The following CLUH variants were observed in gnomAD, a reference collection of about 807,000 sequenced individuals.
The protein encoded by CLUH is clustered mitochondria protein homolog.
Under a neutral mutation model 139.3 loss-of-function variants are expected in CLUH, and 77 were observed. The ratio of observed to expected loss-of-function variants is 0.55; its 90% confidence interval spans 0.46 to 0.67. The LOEUF (loss-of-function observed/expected upper bound fraction) is 0.67. Among genes scored for constraint, CLUH ranks in the 30% least tolerant of loss-of-function variants. The pLI, the probability that CLUH is intolerant of heterozygous loss-of-function variation, is 0.00. For synonymous variants in CLUH, 999 were observed against 801.6 expected, an observed-to-expected ratio of 1.25 and a Z score of -4.16; for missense variants, 1,876 against 1,875.8, an observed-to-expected ratio of 1.00 and a Z score of 0.00.
intron 13 of CLUH, 124 bp from the exon 14 acceptor site, chr17:2,695,650 G>T: frequency 7.9e-7 from 1 of 1,263,518 alleles, no homozygotes; most frequent in Non-Finnish European, 1.1e-6. Context: ...CCAGCTCCCA[G>T]TCAGGATGTC....
chr17:2,693,955 C>T lies in CLUH; in HGVS notation c.3176G>A (p.Cys1059Tyr). 6.2e-7 allele frequency: 1 copy of T among 1,613,796 alleles called. No individual in the cohort carries two copies. Among genetic ancestry groups the T allele is most frequent in the Admixed American group, 1.7e-5 (1 of 60,012 alleles). Reference protein sequence around the residue: ...NVYGAMHVETCACLRLLARLH... With the variant: ...NVYGAMHVETYACLRLLARLH... ...GCGGGCGAGGAGGCGCAGGCAGGCG[C>T]AGGTCTCCACGTGCATGGCTCCGTA... is the stretch of plus-strand genomic sequence containing the variant. The change falls in exon 19 of 26, where the codon TGC (cysteine) becomes TAC (tyrosine). Residue 1059 changes from cysteine (C) to tyrosine (Y), a missense_variant. By Grantham distance (194) the Cys-to-Tyr change is radical. This residue lies in a region of CLUH where 1,454 missense variants were observed against 1,384.4 expected (regional missense o/e 1.05). Coordinates refer to ENST00000651024, the MANE Select transcript of CLUH (RefSeq NM_001366661.1).
chr17:2,690,480 G>C lies in CLUH; in HGVS notation c.*114C>G, dbSNP rs2069578024. The C allele has an allele frequency of 1.1e-6, 1 of 943,086 alleles. No homozygotes were observed. Among genetic ancestry groups the C allele is most frequent in the Non-Finnish European group, 1.5e-6 (1 of 684,584 alleles). 58.4% of individuals were successfully genotyped at this position (943,086 alleles called of 1,614,324 possible). On this transcript the variant is annotated 3_prime_UTR_variant, in exon 26 of 26. Transcript: ENST00000651024. ...AGGACACGGGGGTGGGGTGGGGTGA[G>C]ACGTGGAGGAAGAGGGCCTTGCTTC...
rs1200154246 is a variant in CLUH at position 2,696,269 on chromosome 17, G to C, written c.2291-10C>G. The stretch of plus-strand genomic sequence containing the variant: ...TCAGGGAAACGAACCCCTGGAGGAG[G>C]GAGAGCAGAGAGGCTGAGCCAGGCA... On this transcript the variant is annotated splice_polypyrimidine_tract_variant and intron_variant, in intron 12 of 25. Transcript: ENST00000651024. 1 of 1,564,492 alleles carries C rather than the reference G, an allele frequency of 6.4e-7. No individual in the cohort carries two copies. The highest frequency in any genetic ancestry group is 1.4e-5 in the African/African-American group (1 of 73,642).
intron 12 of CLUH, 41 bp downstream of exon 12, chr17:2,696,393 G>A (rs924832729): frequency 2.6e-6 from 4 of 1,539,298 alleles, no homozygotes; most frequent in Non-Finnish European, 2.6e-6. Context: ...CGAAGCTCTG[G>A]CCCTGGAGGG....
At position 2,704,214 on chromosome 17, in the gene CLUH, C is replaced by G. The variant is rs2070279387; in HGVS notation, c.303+148G>C. The G allele has an allele frequency of 1.2e-6, 1 of 835,996 alleles. No homozygotes were observed. The highest frequency in any genetic ancestry group is 1.7e-5 in the African/African-American group (1 of 58,252). 51.8% of individuals were successfully genotyped at this position (835,996 alleles called of 1,614,324 possible). A position where few individuals can be genotyped will look rare whatever the true frequency, so the allele number is the denominator to read the frequency against. ...GGGCTCGATTCCCACGTCCACCACG[C>G]TAGCTGAGTGACTCTAGGGAGGGCA... On this transcript the variant is annotated intron_variant, in intron 2 of 25. Transcript: ENST00000651024. This position sits in a 1 kb window ranked among gnomAD's most constrained non-coding sequence, Gnocchi z 5.7.
chr17:2,700,953 G>A (rs2070155579), intron 7 of CLUH, 128 bp from the exon 8 acceptor site: 2 of 1,420,042 alleles, frequency 1.4e-6, no homozygotes, highest in Admixed American at 2.4e-5. Flanking sequence ...GGAGCCAGAT[G>A]GAAGTGCACG....
Position 2,696,145 on chromosome 17 carries a change from A to C in CLUH, c.2391+14T>G, listed in dbSNP as rs2069932911. ...CCACACAAGCCCCACCCAGCCCCGC[A>C]GCCCCTCCCTCACCAAGCCAGGGAT... On this transcript the variant is annotated intron_variant, in intron 13 of 25. Coordinates refer to ENST00000651024, the MANE Select transcript of CLUH (RefSeq NM_001366661.1). 4 of 1,536,690 alleles carry C rather than the reference A, an allele frequency of 2.6e-6. No individual in the cohort carries two copies. Among genetic ancestry groups the C allele is most frequent in the Admixed American group, 2.0e-5 (1 of 51,246 alleles).
At position 2,700,512 on chromosome 17, in the gene CLUH, T is replaced by C. The variant is rs769574850; in HGVS notation, c.1174-38A>G. 11 of 1,592,268 alleles carry C rather than the reference T, an allele frequency of 6.9e-6. No homozygotes were observed. In the East Asian group the frequency reaches 2.5e-4, roughly 36 times the overall value. On this transcript the variant is annotated intron_variant, in intron 8 of 25. Coordinates refer to ENST00000651024, the MANE Select transcript of CLUH (RefSeq NM_001366661.1). ...CAGGGAGGGAAAAACGAGCTCAGCC[T>C]GTGCCCTGTGACCTGCTCCCGGAAG...
chr17:2,690,840 CCGG>C lies in CLUH; in HGVS notation c.3864-66_3864-64del. ...GAGTCCTGGGGGCTCCACCCGCCTC[CCGG>C]CTTTCCTGTGGGATAAGCTCAGGCT... On this transcript the variant is annotated intron_variant, in intron 25 of 25. Transcript: ENST00000651024. 3 of 1,318,940 alleles carry C rather than the reference CCGG, an allele frequency of 2.3e-6. No homozygotes were observed. In the South Asian group the frequency reaches 5.2e-5, roughly 23 times the overall value. 81.7% of individuals were successfully genotyped at this position (1,318,940 alleles called of 1,614,324 possible).
At chr17:2,701,882 G>A (rs757436279) in intron 4 of CLUH, 32 bp downstream of exon 4, 3 of 1,612,108 alleles carry the variant, frequency 1.9e-6, no homozygotes, top group Non-Finnish European at 2.5e-6. Context: ...CCCGCCCTTT[G>A]GCCCAATCCC....
Position 2,701,165 on chromosome 17 carries a change from T to A in CLUH, c.1000A>T (p.Asn334Tyr), listed in dbSNP as rs2070164311. ...CTTTTCTTCTGCAGCACAGCGAAGTTCTTCTTGAAGGTCGGGCTGATCTGG... is the reference window on the plus strand; with the variant it reads ...CTTTTCTTCTGCAGCACAGCGAAGTACTTCTTGAAGGTCGGGCTGATCTGG... ...LNQISPTFKK[N>Y]FAVLQKKRVQ... Residue 334 changes from asparagine (N) to tyrosine (Y), a missense_variant, in exon 7 of 26, where the codon AAC (asparagine) becomes TAC (tyrosine). Physicochemically the swap from Asn to Tyr is moderately radical, Grantham distance 143. Transcript: ENST00000651024. 6.2e-7 allele frequency: 1 copy of A among 1,613,834 alleles called. No individual in the cohort carries two copies. The highest frequency in any genetic ancestry group is 1.3e-5 in the African/African-American group (1 of 74,926).
chr17:2,694,668 GC>G, intron 16 of CLUH, 104 bp from the exon 17 acceptor site: 1 of 1,308,364 alleles, frequency 7.6e-7, no homozygotes, highest in Non-Finnish European at 1.0e-6. Context: ...CCCCAACACT[GC>G]CCCACCCGGC....
intron 22 of CLUH, 79 bp from the exon 23 acceptor site, chr17:2,692,176 C>G: frequency 6.8e-7 from 1 of 1,475,222 alleles, no homozygotes; most frequent in Non-Finnish European, 9.2e-7. Flanking sequence ...GGCCCGGGGT[C>G]TCCCGTAGAT....
Position 2,706,295 on chromosome 17 carries a change from C to T in CLUH, c.101-1731G>A, listed in dbSNP as rs181180555. Among the ~76,000 whole-genome samples the T allele has an allele frequency of 8.5e-5, 13 of 152,166 alleles. No homozygotes were observed. In the East Asian group the frequency reaches 1.5e-3, roughly 18 times the overall value. On this transcript the variant is annotated intron_variant, in intron 1 of 25. Transcript: ENST00000651024. The surrounding 1 kb of genome is among the most constrained non-coding windows in gnomAD (Gnocchi z 4.6). ...CTTTCCCTGGATCCCCACGAGCAAA[C>T]GAGAAACAGGACCTCTAAGAGCTCA...
rs1398114225 is a variant in CLUH, at chr17:2,694,922, G to C, written c.2787C>G (p.Thr929=). ...AADNTAWAVM[T]PQELWKNICQ... is the part of the protein sequence containing the mutation. ...AGATGTTCTTCCAGAGCTCCTGGGGGGTCATGACAGCCCAGGCTGTGTTAT... is the reference window on the plus strand; with the variant it reads ...AGATGTTCTTCCAGAGCTCCTGGGGCGTCATGACAGCCCAGGCTGTGTTAT... The change falls in exon 16 of 26, where the codon ACC becomes ACG. Residue 929 remains threonine (T), a synonymous_variant. Coordinates refer to ENST00000651024, the MANE Select transcript of CLUH (RefSeq NM_001366661.1). The C allele has an allele frequency of 6.2e-7, 1 of 1,606,276 alleles. No individual in the cohort carries two copies. The highest frequency in any genetic ancestry group is 1.7e-5 in the Admixed American group (1 of 58,764).
At position 2,692,343 on chromosome 17, in the gene CLUH, G is replaced by A. The variant is rs747930199; in HGVS notation, c.3560+18C>T. 9 of 1,541,004 alleles carry A rather than the reference G, an allele frequency of 5.8e-6. No homozygotes were observed. In the Admixed American group the frequency reaches 7.8e-5, roughly 13 times the overall value. On this transcript the variant is annotated intron_variant, in intron 22 of 25. Transcript: ENST00000651024. ...CAGGCCTCCGCCGGCCTTGGCGTTT[G>A]GACGGGCGGCCCCTCACCTGAGGGC...
intron 25 of CLUH, among the ~76,000 whole-genome samples, chr17:2,691,339 G>A (rs1465503360): frequency 6.6e-6 from 1 of 152,090 alleles, no homozygotes; most frequent in Non-Finnish European, 1.5e-5. Context: ...CGAGGCGGGC[G>A]GATCGCAAGG....
At position 2,690,558 on chromosome 17, in the gene CLUH, C is replaced by G; in HGVS notation, c.*36G>C. The G allele has an allele frequency of 7.1e-7, 1 of 1,415,456 alleles. No individual in the cohort carries two copies. The highest frequency in any genetic ancestry group is 9.3e-7 in the Non-Finnish European group (1 of 1,080,706). The allele number at this position is 1,415,456 out of a possible 1,614,324, so 87.7% of individuals were successfully genotyped here. Reference sequence around the variant, plus strand: ...CTCCCGCAGTCGGGCTCCCTGGTGACGGGGCCGCTGGCTGGCTGTCCGTCT... The same window carrying G: ...CTCCCGCAGTCGGGCTCCCTGGTGAGGGGGCCGCTGGCTGGCTGTCCGTCT... On this transcript the variant is annotated 3_prime_UTR_variant, in exon 26 of 26. Transcript: ENST00000651024.
chr17:2,700,264 G>A (rs1189981825), intron 9 of CLUH, 118 bp downstream of exon 9: 12 of 911,412 alleles, frequency 1.3e-5, no homozygotes, highest in Admixed American at 9.9e-5. Context: ...TGGCCTTCGG[G>A]GAACCTGACA....
Sources: gnomAD v4.1 joint callset for allele counts (sites outside exome capture counted in the v4.1 genomes callset) on GRCh38, gnomAD v4.1.1 for gene constraint, gnomAD v4.1.1 regional missense constraint, Gnocchi (gnomAD v3.1) non-coding constraint, MANE v1.5 for transcripts, NCBI Gene and HGNC (gene_info 2026-07-23, HGNC 2026-07-21) for gene names.